The following EPHA6 variants were observed in gnomAD, a reference collection of about 807,000 sequenced individuals.
EPHA6 encodes EPH receptor A6, also known as ephrin type-A receptor 6.
Under a neutral mutation model 112.0 loss-of-function variants are expected in EPHA6, and 50 were observed. The observed-to-expected ratio is 0.45, with a 90% CI of 0.36 to 0.56. EPHA6 has a LOEUF of 0.56. EPHA6 is among the 20% of genes least tolerant of loss of function. The pLI, the probability that EPHA6 is intolerant of heterozygous loss-of-function variation, is 0.00. For missense variants in EPHA6, 1,280 were observed against 1,417.4 expected, an observed-to-expected ratio of 0.90 and a Z score of 1.56; for synonymous variants, 529 against 490.7, an observed-to-expected ratio of 1.08 and a Z score of -1.03.
intron 5 of EPHA6, among the ~76,000 whole-genome samples, chr3:97,378,045 A>T (rs1358688030): frequency 6.6e-6 from 1 of 152,240 alleles, no homozygotes; most frequent in African/African-American, 2.4e-5. Flanking sequence ...AGGGCATGTC[A>T]GAGACCTTTG....
intron 1 of EPHA6, among the ~76,000 whole-genome samples, chr3:96,815,225 C>T (rs1009135247): frequency 6.6e-6 from 1 of 152,156 alleles, no homozygotes; most frequent in Non-Finnish European, 1.5e-5. Context: ...TTCTAAATGT[C>T]TTTAAACGGT....
intron 5 of EPHA6, among the ~76,000 whole-genome samples, chr3:97,277,348 G>C (rs776955292): frequency 9.2e-5 from 14 of 152,118 alleles, no homozygotes; most frequent in Non-Finnish European, 1.8e-4. Flanking sequence ...GGTGCTCAGT[G>C]GGGGAGCTTT....
At chr3:97,258,894 A>ACTAT (rs10662588) in intron 5 of EPHA6, among the ~76,000 whole-genome samples, 32,327 of 151,938 alleles carry the variant, frequency 0.21, 8,512 homozygotes, top group African/African-American at 0.61. Flanking sequence ...CATTCTAAAG[A>ACTAT]CTAACAGAAA....
intron 10 of EPHA6, among the ~76,000 whole-genome samples, chr3:97,516,273 T>G (rs1313092746): frequency 6.6e-6 from 1 of 152,214 alleles, no homozygotes; most frequent in Non-Finnish European, 1.5e-5. Context: ...ATGGAAGCCC[T>G]AACTTCTAAG....
chr3:97,236,663 C>T (rs2078688936), intron 4 of EPHA6, among the ~76,000 whole-genome samples: 1 of 152,002 alleles, frequency 6.6e-6, no homozygotes, highest in South Asian at 2.1e-4. Context: ...AATACACAGG[C>T]AAATATCAAG....
At chr3:97,424,033 T>A (rs1016050045) in intron 6 of EPHA6, among the ~76,000 whole-genome samples, 2 of 152,190 alleles carry the variant, frequency 1.3e-5, no homozygotes, top group African/African-American at 4.8e-5. Flanking sequence ...GGGTAATTTA[T>A]AAAGGAAAGA....
chr3:97,077,554 C>T (rs2046570692), intron 3 of EPHA6, among the ~76,000 whole-genome samples: 1 of 151,898 alleles, frequency 6.6e-6, no homozygotes, highest in Non-Finnish European at 1.5e-5. Context: ...CATCCCCCTC[C>T]CCTGACAGGC....
chr3:97,217,123 A>G (rs901737691), intron 3 of EPHA6, among the ~76,000 whole-genome samples: 1 of 152,188 alleles, frequency 6.6e-6, no homozygotes, highest in Admixed American at 6.5e-5. Flanking sequence ...AAGGACCCTG[A>G]TAAAACCTTA....
intron 14 of EPHA6, among the ~76,000 whole-genome samples, chr3:97,682,541 T>C (rs751061473): frequency 1.3e-5 from 2 of 152,140 alleles, no homozygotes; most frequent in Non-Finnish European, 2.9e-5. Context: ...GAGCAAGTCA[T>C]GTCTCAATTT....
chr3:96,941,055 G>A lies in EPHA6; in HGVS notation c.451-46275G>A, dbSNP rs1490819314. Among the ~76,000 whole-genome samples the A allele has an allele frequency of 3.9e-5, 6 of 151,986 alleles. No individual in the cohort carries two copies. In the East Asian group the frequency reaches 1.2e-3, roughly 29 times the overall value. ...CATTTTTTCCTTCATTTCAACTTTG[G>A]TGAATCTGACAATTATGTGTCTTGG... On this transcript the variant is annotated intron_variant, in intron 2 of 17. Transcript: ENST00000389672.
chr3:97,394,912 A>G (rs535660297), intron 5 of EPHA6, among the ~76,000 whole-genome samples: 9 of 151,876 alleles, frequency 5.9e-5, no homozygotes, highest in African/African-American at 2.2e-4. Flanking sequence ...TACCTTTCTT[A>G]CATAAGGTCA....
At chr3:97,697,939 A>T (rs2107727357) in intron 14 of EPHA6, among the ~76,000 whole-genome samples, 2 of 152,324 alleles carry the variant, frequency 1.3e-5, no homozygotes, top group South Asian at 4.1e-4. Flanking sequence ...GTGAAGTAAA[A>T]TATTAATGAT....
At chr3:97,650,092 G>A (rs1560231628) in intron 14 of EPHA6, among the ~76,000 whole-genome samples, 1 of 152,096 alleles carries the variant, frequency 6.6e-6, no homozygotes, top group Non-Finnish European at 1.5e-5. Flanking sequence ...CCATTTGTCA[G>A]AAAGCAAATC....
chr3:97,695,685 C>A (rs1406842155), intron 14 of EPHA6, among the ~76,000 whole-genome samples: 1 of 152,166 alleles, frequency 6.6e-6, no homozygotes, highest in Admixed American at 6.5e-5. Context: ...GGACTACAGG[C>A]AAGTGCCACC....
chr3:96,822,331 C>A (rs1320874581), intron 1 of EPHA6, among the ~76,000 whole-genome samples: 3 of 151,726 alleles, frequency 2.0e-5, no homozygotes, highest in Middle Eastern at 3.2e-3. Flanking sequence ...AATTTCAAAT[C>A]GTAGCAATTG....
chr3:97,519,279 C>A (rs890351661), intron 10 of EPHA6, among the ~76,000 whole-genome samples: 12 of 152,154 alleles, frequency 7.9e-5, no homozygotes, highest in African/African-American at 2.7e-4. Context: ...ATGCTCTTGG[C>A]ACATCTGTCA....
chr3:97,747,597 G>C, intron 17 of EPHA6, 25 bp downstream of exon 17: 9 of 1,556,604 alleles, frequency 5.8e-6, no homozygotes, highest in Non-Finnish European at 7.8e-6. Context: ...GTTTATTACT[G>C]TAACGAGATG....
intron 2 of EPHA6, among the ~76,000 whole-genome samples, chr3:96,902,370 T>G (rs986151781): frequency 1.3e-5 from 2 of 152,276 alleles, no homozygotes; most frequent in Non-Finnish European, 2.9e-5. Flanking sequence ...GGGGAGAGAC[T>G]ATATGTAATT....
chr3:97,167,705 A>T (rs2076575895), intron 3 of EPHA6, among the ~76,000 whole-genome samples: 1 of 152,106 alleles, frequency 6.6e-6, no homozygotes, highest in Admixed American at 6.6e-5. Flanking sequence ...GTGTTCATTA[A>T]GACACTTTGC....
Sources: allele counts gnomAD v4.1 joint callset (sites outside exome capture counted in the v4.1 genomes callset), GRCh38; gene constraint gnomAD v4.1.1; transcripts MANE v1.5; gene names NCBI Gene and HGNC (gene_info 2026-07-23, HGNC 2026-07-21).